Variants in C9orf153 observed in about 807,000 individuals in gnomAD.
C9orf153 encodes uncharacterized protein C9orf153.
In C9orf153, 10 loss-of-function variants were observed where a neutral mutation model predicts 9.0. The observed-to-expected ratio is 1.11, with a 90% CI of 0.69 to 1.89. C9orf153 has a LOEUF of 1.89. Ranked by LOEUF, C9orf153 falls within the 40% of genes most tolerant of loss-of-function variation. C9orf153 has a pLI of 0.00. For missense variants in C9orf153, 108 were observed against 111.0 expected (o/e 0.97, Z 0.12); for synonymous variants, 35 against 37.3 (o/e 0.94, Z 0.23).
intron 3 of C9orf153, among the ~76,000 whole-genome samples, chr9:86,222,350 T>C (rs1824224099): frequency 1.3e-5 from 2 of 152,020 alleles, no homozygotes; most frequent in Admixed American, 1.3e-4. Context: ...CCTAACAGAA[T>C]GTGCAAATGG....
At position 86,247,690 on chromosome 9, in the gene C9orf153, TAAG is replaced by T. The variant is rs1168879179; in HGVS notation, c.-27+11857_-27+11859del. ...GTGAGACCCTTTCTAAATAAATAAA[TAAG>T]AAGAAGATTTAAAAAGAGCTATTTT... On this transcript the variant is annotated intron_variant, in intron 1 of 3. Coordinates refer to ENST00000339137, the MANE Select transcript of C9orf153 (RefSeq NM_001276366.4). 8.5e-5 allele frequency among the ~76,000 whole-genome samples: 13 copies of T among 152,194 alleles called. No homozygotes were observed. In the East Asian group the frequency reaches 2.3e-3, roughly 27 times the overall value.
intron 1 of C9orf153, among the ~76,000 whole-genome samples, chr9:86,241,976 C>G (rs1026624143): frequency 6.6e-6 from 1 of 152,078 alleles, no homozygotes; most frequent in Non-Finnish European, 1.5e-5. Context: ...ACATCATACA[C>G]AAGATAAGTG....
chr9:86,227,487 A>C (rs892599726), intron 3 of C9orf153: 2 of 1,385,446 alleles, frequency 1.4e-6, no homozygotes, highest in East Asian at 2.6e-5. Context: ...GCTCTAGTAA[A>C]TTTGCAATGA....
chr9:86,232,735 T>C (rs547409797), intron 1 of C9orf153, among the ~76,000 whole-genome samples: 1 of 152,132 alleles, frequency 6.6e-6, no homozygotes, highest in South Asian at 2.1e-4. Flanking sequence ...TTCTTTTTCT[T>C]TTCTTTTCTT....
At chr9:86,222,908 A>C (rs750195812) in intron 3 of C9orf153, among the ~76,000 whole-genome samples, 10 of 152,136 alleles carry the variant, frequency 6.6e-5, no homozygotes, top group Non-Finnish European at 1.0e-4. Flanking sequence ...ACTCCACTCC[A>C]ATCAGTCCTC....
chr9:86,244,155 A>G (rs1326321582), intron 1 of C9orf153, among the ~76,000 whole-genome samples: 1 of 152,240 alleles, frequency 6.6e-6, no homozygotes, highest in East Asian at 1.9e-4. Context: ...TATCAATTAC[A>G]TAAAGATAAT....
At chr9:86,225,325 C>G (rs1486877210) in intron 3 of C9orf153, among the ~76,000 whole-genome samples, 2 of 151,682 alleles carry the variant, frequency 1.3e-5, no homozygotes, top group Admixed American at 1.3e-4. Flanking sequence ...CTTTTTCTTT[C>G]TTTCTTTCCT....
chr9:86,249,481 C>A (rs1793686120), intron 1 of C9orf153, among the ~76,000 whole-genome samples: 1 of 151,856 alleles, frequency 6.6e-6, no homozygotes, highest in Non-Finnish European at 1.5e-5. Flanking sequence ...CTCACATTTG[C>A]TATTGTAAAT....
At position 86,226,608 on chromosome 9, in the gene C9orf153, A is replaced by G. The variant is rs190017444; in HGVS notation, c.242+1247T>C. On this transcript the variant is annotated intron_variant, in intron 3 of 3. Coordinates refer to ENST00000339137, the MANE Select transcript of C9orf153 (RefSeq NM_001276366.4). Reference sequence around the variant, plus strand: ...AAAATGGTCTTATCTTGAATCAAGAAACTGCTTCAGAGGGTTATCACAAAT... The same window carrying G: ...AAAATGGTCTTATCTTGAATCAAGAGACTGCTTCAGAGGGTTATCACAAAT... Among the ~76,000 whole-genome samples the G allele has an allele frequency of 7.9e-4, 121 of 152,310 alleles. 4 individuals carry two copies. In the East Asian group the frequency reaches 0.017, roughly 21 times the overall value.
chr9:86,231,314 C>G (rs753306853), intron 1 of C9orf153, among the ~76,000 whole-genome samples: 21 of 152,246 alleles, frequency 1.4e-4, no homozygotes, highest in Middle Eastern at 3.4e-3. Flanking sequence ...AGATAAACCC[C>G]ATAAAACTTC....
chr9:86,226,776 T>G (rs1458806981), intron 3 of C9orf153, among the ~76,000 whole-genome samples: 1 of 152,108 alleles, frequency 6.6e-6, no homozygotes, highest in Non-Finnish European at 1.5e-5. Flanking sequence ...TGTTTGTTTG[T>G]TTTTTGAGAC....
At chr9:86,227,192 G>C in intron 3 of C9orf153, 2 of 809,168 alleles carry the variant, frequency 2.5e-6, no homozygotes, top group Non-Finnish European at 3.3e-6. Flanking sequence ...TGTTGCCAAG[G>C]CTGAAATGCA....
intron 1 of C9orf153, among the ~76,000 whole-genome samples, chr9:86,257,734 A>C (rs1158638356): frequency 6.6e-6 from 1 of 152,234 alleles, no homozygotes; most frequent in African/African-American, 2.4e-5. Context: ...TACTGCTGAT[A>C]TAACAACCAG....
chr9:86,226,014 C>A (rs1188121258), intron 3 of C9orf153, among the ~76,000 whole-genome samples: 3 of 152,166 alleles, frequency 2.0e-5, no homozygotes, highest in African/African-American at 7.2e-5. Context: ...ACATCCAAAA[C>A]CCTTCTTCAG....
At chr9:86,258,646 C>T (rs1394588345) in intron 1 of C9orf153, 6 of 152,120 alleles carry the variant, frequency 3.9e-5, no homozygotes, top group South Asian at 2.1e-4. Context: ...CCCTCACATC[C>T]GGAAATAATT....
At chr9:86,223,774 C>T (rs1461094329) in intron 3 of C9orf153, among the ~76,000 whole-genome samples, 1 of 152,184 alleles carries the variant, frequency 6.6e-6, no homozygotes, top group Non-Finnish European at 1.5e-5. Flanking sequence ...TGGAATGTGG[C>T]CACAGCCTCC....
At chr9:86,249,757 G>T (rs1214757954) in intron 1 of C9orf153, among the ~76,000 whole-genome samples, 2 of 152,142 alleles carry the variant, frequency 1.3e-5, no homozygotes, top group African/African-American at 2.4e-5. Flanking sequence ...ATGTTGGCCA[G>T]GCTGGTCTTG....
intron 1 of C9orf153, among the ~76,000 whole-genome samples, chr9:86,254,546 A>G (rs910803675): frequency 6.6e-6 from 1 of 152,212 alleles, no homozygotes; most frequent in Non-Finnish European, 1.5e-5. Context: ...AAAATCTGTC[A>G]GATTGCTACT....
At chr9:86,243,198 T>C (rs982076901) in intron 1 of C9orf153, among the ~76,000 whole-genome samples, 3 of 152,182 alleles carry the variant, frequency 2.0e-5, no homozygotes, top group African/African-American at 7.2e-5. Flanking sequence ...CTCAGTCCCA[T>C]GACAGGCCCT....
Sources: allele counts gnomAD v4.1 joint callset (sites outside exome capture counted in the v4.1 genomes callset), GRCh38; gene constraint gnomAD v4.1.1; transcripts MANE v1.5; gene names NCBI Gene and HGNC (gene_info 2026-07-23, HGNC 2026-07-21).